The following FMR1 variants were observed in gnomAD, a reference collection of about 807,000 sequenced individuals.
The protein encoded by FMR1 is fragile X messenger ribonucleoprotein 1.
In FMR1, 13 loss-of-function variants were observed where a neutral mutation model predicts 50.6. The observed-to-expected ratio is 0.26, with a 90% CI of 0.17 to 0.41. The LOEUF is 0.41. Among genes scored for constraint, FMR1 ranks in the 10% least tolerant of loss-of-function variants. FMR1 has a pLI of 1.00. For missense variants in FMR1, 316 were observed against 491.3 expected, an observed-to-expected ratio of 0.64 and a Z score of 3.37; for synonymous variants, 138 against 164.1, an observed-to-expected ratio of 0.84 and a Z score of 1.22.
At chrX:147,940,159 TCAAAAAAAAAAAAAAAAAAA>T (rs2043944391) in intron 12 of FMR1, 1 of 19,757 alleles carries the variant, frequency 5.1e-5, no homozygotes, top group South Asian at 1.2e-3. Flanking sequence ...AGACTCCGTC[TCAAAAAAAAAAAAAAAAAAA>T]CAAAAAAGAA....
At chrX:147,948,548 C>T in intron 16 of FMR1, 135 bp from the exon 17 acceptor site, 1 of 1,130,892 alleles carries the variant, frequency 8.8e-7, no homozygotes, top group East Asian at 3.3e-5. Context: ...TAATTTCTTG[C>T]ACTTCTTCTG....
In FMR1 at chrX:147,932,603, T is replaced by A. The variant is rs781868575; in HGVS notation, c.801+8T>A. 5.0e-6 allele frequency: 6 copies of A among 1,202,333 alleles called. No individual in the cohort carries two copies. Among genetic ancestry groups the A allele is most frequent in the Non-Finnish European group, 4.5e-6 (4 of 886,937 alleles). ...TTTCATATTTATGGAGAGGTAAATA[T>A]TTTACTGCATAGTTTTTTTTTCCCC... On this transcript the variant is annotated splice_region_variant and intron_variant, in intron 8 of 16. Transcript: ENST00000370475.
In FMR1 at chrX:147,918,628, A is replaced by C. The variant is rs1424364063; in HGVS notation, c.52-3305A>C. On this transcript the variant is annotated intron_variant, in intron 1 of 16. Transcript: ENST00000370475. The stretch of plus-strand genomic sequence containing the variant: ...TCTTCCTCCTTTGAGAGAATATTTG[A>C]TTTTAGGAAATAAGCAAATGTAGAT... 5.9e-5 allele frequency among the ~76,000 whole-genome samples: 5 copies of C among 85,008 alleles called. No individual in the cohort carries two copies. In the East Asian group the frequency reaches 1.9e-3, roughly 33 times the overall value. The allele number at this position is 85,008 out of a possible 115,157, so 73.8% of individuals were successfully genotyped here. A position where few individuals can be genotyped will look rare whatever the true frequency, so the allele number is the denominator to read the frequency against.
At chrX:147,940,999 G>C (rs1557180760) in intron 13 of FMR1, among the ~76,000 whole-genome samples, 1 of 111,788 alleles carries the variant, frequency 8.9e-6, no homozygotes, top group Non-Finnish European at 1.9e-5. Context: ...AAAAATCTGT[G>C]TCTATAACTC....
chrX:147,925,028 G>A (rs1557177282), intron 2 of FMR1: 2 of 131,679 alleles, frequency 1.5e-5, no homozygotes, highest in East Asian at 2.1e-4. Flanking sequence ...TGACCACCTC[G>A]TGGGATCTAA....
intron 1 of FMR1, among the ~76,000 whole-genome samples, chrX:147,919,374 C>T (rs782371660): frequency 3.6e-4 from 40 of 111,743 alleles, no homozygotes; most frequent in Non-Finnish European, 7.3e-4. Flanking sequence ...AAAATTAGGC[C>T]TCTCTGTTGA....
At chrX:147,945,897 C>T (rs191941795) in intron 16 of FMR1, among the ~76,000 whole-genome samples, 108 of 110,919 alleles carry the variant, frequency 9.7e-4, no homozygotes, top group Non-Finnish European at 1.6e-3. Flanking sequence ...TTTTTTGAGA[C>T]GGGAGTTTCG....
At chrX:147,920,776 C>T (rs781783361) in intron 1 of FMR1, among the ~76,000 whole-genome samples, 12 of 111,694 alleles carry the variant, frequency 1.1e-4, no homozygotes, top group African/African-American at 3.6e-4. Context: ...TCAGTTCTCC[C>T]GTTGAAGTTG....
chrX:147,944,075 G>C (rs2044094924), intron 14 of FMR1: 1 of 555,222 alleles, frequency 1.8e-6, no homozygotes. Flanking sequence ...AGAGGTAGTA[G>C]AGCTGATATT....
chrX:147,944,450 C>G (rs2044106228), intron 14 of FMR1: 1 of 751,513 alleles, frequency 1.3e-6, no homozygotes, highest in African/African-American at 2.3e-5. Flanking sequence ...ATACATTCCC[C>G]TCTGTCCTGG....
At position 147,950,362 on chromosome X, in the gene FMR1, CATT is replaced by C. The variant is rs1557183374; in HGVS notation, c.*1520_*1522del. On this transcript the variant is annotated 3_prime_UTR_variant, in exon 17 of 17. Transcript: ENST00000370475. ...AAGTCTTTTAAAAAGTATTGCCAAACATTAATGTTGATTTCTAGTTATTTATTC... is the reference window on the plus strand; with the variant it reads ...AAGTCTTTTAAAAAGTATTGCCAAACAATGTTGATTTCTAGTTATTTATTC... The C allele has an allele frequency of 3.1e-6, 1 of 327,528 alleles. No individual in the cohort carries two copies. The highest frequency in any genetic ancestry group is 2.7e-5 in the African/African-American group (1 of 37,633). The allele number at this position is 327,528 out of a possible 1,213,427, so 27.0% of individuals were successfully genotyped here.
intron 1 of FMR1, among the ~76,000 whole-genome samples, chrX:147,920,250 C>T (rs2043093076): frequency 1.8e-5 from 2 of 111,618 alleles, no homozygotes; most frequent in South Asian, 3.7e-4. Context: ...CCACTTGTCC[C>T]AGCTTCATTT....
In FMR1 at chrX:147,940,617, C is replaced by T. The variant is rs1557180630; in HGVS notation, c.1230C>T (p.Ile410=). ...PFVFVGTKDS[I]ANATVLLDYH... Reference sequence around the variant, plus strand: ...TTTTTGTGGGAACAAAGGACAGCATCGCTAATGCCACTGTTCTTTTGGATT... The same window carrying T: ...TTTTTGTGGGAACAAAGGACAGCATTGCTAATGCCACTGTTCTTTTGGATT... The change falls in exon 13 of 17, where the codon ATC becomes ATT. Residue 410 remains isoleucine, a synonymous_variant. Transcript: ENST00000370475. 3.3e-6 allele frequency: 4 copies of T among 1,204,600 alleles called. No individual in the cohort carries two copies. Among genetic ancestry groups the T allele is most frequent in the Admixed American group, 4.3e-5 (2 of 46,015 alleles).
rs782802789 is a variant in FMR1 at position 147,948,393 on chromosome X, C to T, written c.1738-290C>T. On this transcript the variant is annotated intron_variant, in intron 16 of 16. Transcript: ENST00000370475. Reference sequence around the variant, plus strand: ...TAATTCATTTTACCTGTTTGTTTCTCACTGTTTTATTCTACTTAGAAGAAG... The same window carrying T: ...TAATTCATTTTACCTGTTTGTTTCTTACTGTTTTATTCTACTTAGAAGAAG... The T allele has an allele frequency of 2.6e-5, 23 of 901,446 alleles. No individual in the cohort carries two copies. The African/African-American group carries it at 4.3e-4, about 17-fold the overall frequency. The allele number at this position is 901,446 out of a possible 1,213,427, so 74.3% of individuals were successfully genotyped here.
intron 2 of FMR1, 26 bp from the exon 3 acceptor site, chrX:147,925,514 A>G (rs376676904): frequency 6.5e-6 from 7 of 1,074,764 alleles, no homozygotes; most frequent in Non-Finnish European, 9.1e-6. Flanking sequence ...AGCATGTTAA[A>G]TAATTGTATG....
intron 10 of FMR1, 55 bp downstream of exon 10, chrX:147,936,668 A>G (rs1345502677): frequency 7.0e-6 from 5 of 717,293 alleles, no homozygotes; most frequent in Non-Finnish European, 8.9e-6. Context: ...AAAGTTTTTT[A>G]TGTGATATGT....
chrX:147,932,637 A>G, intron 8 of FMR1, 42 bp downstream of exon 8: 1 of 1,193,040 alleles, frequency 8.4e-7, no homozygotes, highest in South Asian at 1.8e-5. Context: ...CCAAACAAGT[A>G]TTTCAGCTGG....
intron 7 of FMR1, among the ~76,000 whole-genome samples, chrX:147,931,632 C>T (rs782522203): frequency 9.0e-6 from 1 of 111,503 alleles, no homozygotes; most frequent in African/African-American, 3.3e-5. Context: ...GAACTGAACA[C>T]TAAATTTTGA....
intron 9 of FMR1, among the ~76,000 whole-genome samples, 160 bp from the exon 10 acceptor site, chrX:147,936,344 G>A (rs1039616862): frequency 8.9e-6 from 1 of 112,131 alleles, no homozygotes; most frequent in Admixed American, 9.4e-5. Context: ...CCATCTTGTT[G>A]AAAAGAGTCT....
Sources: gnomAD v4.1 joint callset for allele counts (sites outside exome capture counted in the v4.1 genomes callset) on GRCh38, gnomAD v4.1.1 for gene constraint, MANE v1.5 for transcripts, NCBI Gene and HGNC (gene_info 2026-07-23, HGNC 2026-07-21) for gene names.